The following TNXB variants were observed in gnomAD, a reference collection of about 807,000 sequenced individuals.
TNXB encodes the protein tenascin-X.
TNXB carries 183 observed loss-of-function variants against 340.5 expected under a neutral mutation model. The ratio of observed to expected loss-of-function variants is 0.54; its 90% CI spans 0.48 to 0.61. The LOEUF is 0.61. Ranked by LOEUF, TNXB falls within the 20% of genes least tolerant of loss-of-function variation. The probability of loss-of-function intolerance (pLI) is 0.00; values close to 1 mark genes in which losing one functional copy is unlikely to be tolerated. For missense variants in TNXB, 4,613 were observed against 5,446.4 expected, an observed-to-expected ratio of 0.85 and a Z score of 4.82; for synonymous variants, 2,121 against 2,314.5, an observed-to-expected ratio of 0.92 and a Z score of 2.40.
At chr6:32,092,978 G>A (rs751573393) in intron 4 of TNXB, among the ~76,000 whole-genome samples, 1 of 152,250 alleles carries the variant, frequency 6.6e-6, no homozygotes, top group Non-Finnish European at 1.5e-5. Context: ...TCCTGGCTCT[G>A]AGTGAGGGAG....
At position 32,058,396 on chromosome 6, in the gene TNXB, A is replaced by AGGTAATATAG. The variant is rs1289275985; in HGVS notation, c.7493-16_7493-7dup. ...GTCCACATCCTCTTGTGGGGCTGAA[A>AGGTAATATAG]GGTAATATAGGGGGATACAGAGTTT... is the stretch of plus-strand genomic sequence containing the variant. On this transcript the variant is annotated splice_polypyrimidine_tract_variant and splice_region_variant and intron_variant, in intron 21 of 43. Transcript: ENST00000644971. This position sits in a 1 kb window ranked among gnomAD's most constrained non-coding sequence, Gnocchi z 5.1. 1 of 1,590,946 alleles carries AGGTAATATAG rather than the reference A, an allele frequency of 6.3e-7. No homozygotes were observed. The highest frequency in any genetic ancestry group is 1.1e-5 in the South Asian group (1 of 88,934).
Position 32,073,547 on chromosome 6 carries a change from G to T in TNXB, c.4681+100C>A. The T allele has an allele frequency of 9.1e-7, 1 of 1,101,240 alleles. No individual in the cohort carries two copies. The highest frequency in any genetic ancestry group is 1.3e-6 in the Non-Finnish European group (1 of 771,100). The allele number at this position is 1,101,240 out of a possible 1,614,324, so 68.2% of individuals were successfully genotyped here. On this transcript the variant is annotated intron_variant, in intron 12 of 43. Transcript: ENST00000644971. This position sits in a 1 kb window ranked among gnomAD's most constrained non-coding sequence, Gnocchi z 4.6. ...GGGCCTGAGGGGATCTAGCCCCTCA[G>T]TGAGGGTGCGGTGGTACCAAGGCAG...
Position 32,072,182 on chromosome 6 carries a change from G to A in TNXB, c.4798C>T (p.Pro1600Ser), listed in dbSNP as rs1192231411. The A allele has an allele frequency of 6.2e-7, 1 of 1,613,300 alleles. No individual in the cohort carries two copies. The highest frequency in any genetic ancestry group is 1.3e-5 in the African/African-American group (1 of 74,900). The change falls in exon 13 of 44, where the codon CCT becomes TCT. Residue 1600 changes from proline (P) to serine (S), a missense_variant. Physicochemically the swap from Pro to Ser is moderately conservative, Grantham distance 74 (BLOSUM62 -1). Around this residue, in one of 7 missense-constraint regions of TNXB, gnomAD observed 4,327 missense variants for 4,859.4 expected, o/e 0.89. Coordinates refer to ENST00000644971, the MANE Select transcript of TNXB (RefSeq NM_001365276.2). This position sits in a 1 kb window ranked among gnomAD's most constrained non-coding sequence, Gnocchi z 4.4. The stretch of plus-strand genomic sequence containing the variant: ...ACAAAGGAGTCGAATTCACCCTCAG[G>A]GACTGTCCATGAGAGGCCCACAGAG... Reference protein sequence around the residue: ...PDSVGLSWTVPEGEFDSFVVQ... With the variant: ...PDSVGLSWTVSEGEFDSFVVQ...
chr6:32,048,513 CG>C lies in TNXB; in HGVS notation c.9894del (p.Asp3298GlufsTer11). The C allele has an allele frequency of 1.9e-6, 3 of 1,595,056 alleles. No homozygotes were observed. The highest frequency in any genetic ancestry group is 1.7e-6 in the Non-Finnish European group (2 of 1,171,172). The part of the protein sequence containing the change: ...PFDSFLVQYR[D>X]AQGQPQAVPV... ...GGCACTGCCTGGGGCTGCCCCTGCGCGTCCCTGTACTGTACCAGGAAGGAGT... is the reference window on the plus strand; with the variant it reads ...GGCACTGCCTGGGGCTGCCCCTGCGCTCCCTGTACTGTACCAGGAAGGAGT... On this transcript the variant is annotated frameshift_variant, in exon 29 of 44. Coordinates refer to ENST00000644971, the MANE Select transcript of TNXB (RefSeq NM_001365276.2). LOFTEE classifies it high-confidence loss of function.
Position 32,067,555 on chromosome 6 carries a change from G to A in TNXB, c.6544+106C>T. 2 of 1,390,598 alleles carry A rather than the reference G, an allele frequency of 1.4e-6. No individual in the cohort carries two copies. The highest frequency in any genetic ancestry group is 1.9e-6 in the Non-Finnish European group (2 of 1,040,450). 86.1% of individuals were successfully genotyped at this position (1,390,598 alleles called of 1,614,324 possible). ...GTCCTGAGCCTTTAGTGAACAGGGT[G>A]TATTACAGGTTTGAGGTCTTGGGGT... On this transcript the variant is annotated intron_variant, in intron 18 of 43. Transcript: ENST00000644971. This position sits in a 1 kb window ranked among gnomAD's most constrained non-coding sequence, Gnocchi z 4.2.
intron 4 of TNXB, among the ~76,000 whole-genome samples, chr6:32,091,213 C>T (rs965359656): frequency 1.3e-5 from 2 of 151,158 alleles, no homozygotes; most frequent in Admixed American, 6.6e-5. Flanking sequence ...CGGGTTCAAG[C>T]GATTCTCCTG....
intron 28 of TNXB, 150 bp from the exon 29 acceptor site, chr6:32,048,800 CACAA>C: frequency 1.2e-6 from 1 of 828,182 alleles, no homozygotes. Flanking sequence ...GTAAGCAGCT[CACAA>C]ACAGTGGTGC....
rs1173680576 is a variant in TNXB at position 32,074,754 on chromosome 6, C to G, written c.4376-802G>C. On this transcript the variant is annotated intron_variant, in intron 11 of 43. Transcript: ENST00000644971. This position sits in a 1 kb window ranked among gnomAD's most constrained non-coding sequence, Gnocchi z 5.5. ...GGTGTGCGATGGCGCCCTCTCGGCTCACCGCAACCTACGCCTCCTGGGTTC... is the reference window on the plus strand; with the variant it reads ...GGTGTGCGATGGCGCCCTCTCGGCTGACCGCAACCTACGCCTCCTGGGTTC... 6.6e-6 allele frequency among the ~76,000 whole-genome samples: 1 copy of G among 152,156 alleles called. No homozygotes were observed. The highest frequency in any genetic ancestry group is 2.4e-5 in the African/African-American group (1 of 41,430).
chr6:32,057,348 C>A (rs1777728283), intron 22 of TNXB, among the ~76,000 whole-genome samples: 1 of 152,210 alleles, frequency 6.6e-6, no homozygotes, highest in Non-Finnish European at 1.5e-5. Context: ...CTCAGAGCAT[C>A]TTTACCCTGA....
At position 32,098,769 on chromosome 6, in the gene TNXB, C is replaced by T. The variant is rs181522338; in HGVS notation, c.-8-563G>A. On this transcript the variant is annotated intron_variant, in intron 1 of 43. Coordinates refer to ENST00000644971, the MANE Select transcript of TNXB (RefSeq NM_001365276.2). ...TGCTGGGATTACAGGCATGAGCCAC[C>T]GCACCCGGCTCTACACTGGTCTTTT... 2.1e-3 allele frequency among the ~76,000 whole-genome samples: 290 copies of T among 141,346 alleles called. 1 individual carries two copies. The highest frequency in any genetic ancestry group is 8.0e-3 in the Middle Eastern group (2 of 250). 92.7% of individuals were successfully genotyped at this position (141,346 alleles called of 152,430 possible).
At position 32,087,623 on chromosome 6, in the gene TNXB, G is replaced by A. The variant is rs754948166; in HGVS notation, c.2779+1162C>T. The A allele has an allele frequency of 2.5e-6, 1 of 396,734 alleles. No homozygotes were observed. The highest frequency in any genetic ancestry group is 1.8e-5 in the South Asian group (1 of 54,752). 24.6% of individuals were successfully genotyped at this position (396,734 alleles called of 1,614,324 possible). Reference sequence around the variant, plus strand: ...TCAGGGCTGGCGGTGGGGCGGGGGTGGCGGGGCGGGGGTGCGGGGGAGCCG... The same window carrying A: ...TCAGGGCTGGCGGTGGGGCGGGGGTAGCGGGGCGGGGGTGCGGGGGAGCCG... On this transcript the variant is annotated intron_variant, in intron 6 of 43. Coordinates refer to ENST00000644971, the MANE Select transcript of TNXB (RefSeq NM_001365276.2). The surrounding 1 kb of genome is among the most constrained non-coding windows in gnomAD (Gnocchi z 9.0).
At position 32,069,888 on chromosome 6, in the gene TNXB, G is replaced by A. The variant is rs189658615; in HGVS notation, c.5279-27C>T. Reference sequence around the variant, plus strand: ...TGAGATGGAGACACGGAGAGGAAACGGCTGAGCTGTTTCTGGAAGACTGGG... The same window carrying A: ...TGAGATGGAGACACGGAGAGGAAACAGCTGAGCTGTTTCTGGAAGACTGGG... On this transcript the variant is annotated intron_variant, in intron 14 of 43. Coordinates refer to ENST00000644971, the MANE Select transcript of TNXB (RefSeq NM_001365276.2). This position sits in a 1 kb window ranked among gnomAD's most constrained non-coding sequence, Gnocchi z 6.2. 3.9e-6 allele frequency: 6 copies of A among 1,558,278 alleles called. No individual in the cohort carries two copies. In the African/African-American group the frequency reaches 4.1e-5, roughly 11 times the overall value.
chr6:32,087,939 C>T lies in TNXB; in HGVS notation c.2779+846G>A. 3.7e-5 allele frequency: 5 copies of T among 134,044 alleles called. No homozygotes were observed. The highest frequency in any genetic ancestry group is 1.0e-4 in the South Asian group (1 of 9,638). 8.3% of individuals were successfully genotyped at this position (134,044 alleles called of 1,614,324 possible). On this transcript the variant is annotated intron_variant, in intron 6 of 43. Transcript: ENST00000644971. The surrounding 1 kb of genome is among the most constrained non-coding windows in gnomAD (Gnocchi z 9.0). ...GGGCTGGGGCTGGCCGGGGCCGGGA[C>T]TTGGGGGGCGGGGCTGGGGGGCGCA... is the stretch of plus-strand genomic sequence containing the variant.
Position 32,058,250 on chromosome 6 carries a change from G to A in TNXB, c.7633C>T (p.Pro2545Ser), listed in dbSNP as rs201415015. The part of the protein sequence containing the change: ...PDSLSLSWTV[P>S]QGRFDSFTVQ... ...GTGAAGGAGTCAAAGCGGCCCTGGGGGACGGTCCAGGAAAGGCTCAGCGAG... is the reference window on the plus strand; with the variant it reads ...GTGAAGGAGTCAAAGCGGCCCTGGGAGACGGTCCAGGAAAGGCTCAGCGAG... Residue 2545 changes from proline to serine, a missense_variant, in exon 22 of 44, where the codon CCC becomes TCC. This residue lies in a region of TNXB where 4,327 missense variants were observed against 4,859.4 expected (regional missense o/e 0.89). Transcript: ENST00000644971. This position sits in a 1 kb window ranked among gnomAD's most constrained non-coding sequence, Gnocchi z 5.1. 6.5e-4 allele frequency: 1,054 copies of A among 1,612,470 alleles called. 7 individuals carry two copies. Among genetic ancestry groups the A allele is most frequent in the Non-Finnish European group, 1.5e-4 (178 of 1,179,860 alleles).
rs1286744176 is a variant in TNXB at position 32,058,331 on chromosome 6, C to T, written c.7552G>A (p.Gly2518Arg). ...SPTEPGTEAPGPPEEPLLGEL... is the reference protein window; with the variant it reads ...SPTEPGTEAPRPPEEPLLGEL... ...CCCAGGAGAGGCTCCTCGGGGGGCCCTGGGGCCTCTGTGCCTGGTTCTGTA... is the reference window on the plus strand; with the variant it reads ...CCCAGGAGAGGCTCCTCGGGGGGCCTTGGGGCCTCTGTGCCTGGTTCTGTA... Residue 2518 changes from glycine (G) to arginine (R), a missense_variant, in exon 22 of 44, where the codon GGG becomes AGG. Around this residue, in one of 7 missense-constraint regions of TNXB, gnomAD observed 4,327 missense variants for 4,859.4 expected, o/e 0.89. Coordinates refer to ENST00000644971, the MANE Select transcript of TNXB (RefSeq NM_001365276.2). The surrounding 1 kb of genome is among the most constrained non-coding windows in gnomAD (Gnocchi z 5.1). The T allele has an allele frequency of 6.2e-7, 1 of 1,611,874 alleles. No homozygotes were observed. Among genetic ancestry groups the T allele is most frequent in the South Asian group, 1.1e-5 (1 of 91,072 alleles).
At position 32,079,247 on chromosome 6, in the gene TNXB, C is replaced by A. The variant is rs746110766; in HGVS notation, c.4161G>T (p.Ser1387=). Residue 1387 remains serine, a synonymous_variant, in exon 11 of 44, where the codon TCG becomes TCT. Transcript: ENST00000644971. The surrounding 1 kb of genome is among the most constrained non-coding windows in gnomAD (Gnocchi z 7.1). ...ELTVTGSSPD[S]LSLFWTVPQG... ...GGGGGACGGTCCAGAAGAGGCTCAG[C>A]GAATCAGGGGAGGATCCTGTCACTG... 3 of 1,613,670 alleles carry A rather than the reference C, an allele frequency of 1.9e-6. No homozygotes were observed. Among genetic ancestry groups the A allele is most frequent in the East Asian group, 2.2e-5 (1 of 44,882 alleles).
At position 32,049,347 on chromosome 6, in the gene TNXB, C is replaced by T; in HGVS notation, c.9680G>A (p.Gly3227Glu). ...SEVTVGGLEP[G>E]RKYKMHLYGL... ...GTACAGATGCATCTTGTATTTGCGC[C>T]CGGGCTCCAGGCCCCCCACGGTGAC... The change falls in exon 28 of 44, where the codon GGG becomes GAG. Residue 3227 changes from glycine to glutamate, a missense_variant. Coordinates refer to ENST00000644971, the MANE Select transcript of TNXB (RefSeq NM_001365276.2). This position sits in a 1 kb window ranked among gnomAD's most constrained non-coding sequence, Gnocchi z 4.5. 6.2e-7 allele frequency: 1 copy of T among 1,612,488 alleles called. No individual in the cohort carries two copies. Among genetic ancestry groups the T allele is most frequent in the South Asian group, 1.1e-5 (1 of 91,016 alleles).
chr6:32,088,645 C>T, intron 6 of TNXB, 140 bp downstream of exon 6: 22 of 1,245,684 alleles, frequency 1.8e-5, no homozygotes, highest in Non-Finnish European at 2.4e-5. Flanking sequence ...CAGAGCAAGG[C>T]CCCCAGCAGG....
chr6:32,050,047 G>A lies in TNXB; in HGVS notation c.9390C>T (p.Gly3130=). 4 of 1,613,842 alleles carry A rather than the reference G, an allele frequency of 2.5e-6. No homozygotes were observed. Among genetic ancestry groups the A allele is most frequent in the East Asian group, 2.2e-5 (1 of 44,882 alleles). ...PDHKYKMNLY[G]FHGGQRVGPV... ...GGCCTACGCGCTGGCCACCGTGGAA[G>A]CCGTACAGGTTCATCTTGTATTTAT... is the stretch of plus-strand genomic sequence containing the variant. The change falls in exon 27 of 44, where the codon GGC becomes GGT. Residue 3130 remains glycine (G), a synonymous_variant. Coordinates refer to ENST00000644971, the MANE Select transcript of TNXB (RefSeq NM_001365276.2).
Sources: gnomAD v4.1 joint callset for allele counts (sites outside exome capture counted in the v4.1 genomes callset) on GRCh38, gnomAD v4.1.1 for gene constraint, gnomAD v4.1.1 regional missense constraint, Gnocchi (gnomAD v3.1) non-coding constraint, MANE v1.5 for transcripts, NCBI Gene and HGNC (gene_info 2026-07-23, HGNC 2026-07-21) for gene names.